The following DNAJC24 variants were observed in gnomAD, a reference collection of about 807,000 sequenced individuals.
The protein encoded by DNAJC24 is dnaJ homolog subfamily C member 24.
DNAJC24 carries 17 observed loss-of-function variants against 18.0 expected under a neutral mutation model. That is an observed-to-expected ratio of 0.94 (90% CI 0.65 to 1.42). The LOEUF (loss-of-function observed/expected upper bound fraction) is 1.42. Ranked by LOEUF, DNAJC24 falls within the 40% of genes most tolerant of loss-of-function variation. The pLI, the probability that DNAJC24 is intolerant of heterozygous loss-of-function variation, is 0.00. For synonymous variants in DNAJC24, 55 were observed against 57.7 expected, an observed-to-expected ratio of 0.95 and a Z score of 0.21; for missense variants, 158 against 175.6, an observed-to-expected ratio of 0.90 and a Z score of 0.57.
chr11:31,385,356 A>G (rs1285053516), intron 2 of DNAJC24, among the ~76,000 whole-genome samples: 3 of 152,208 alleles, frequency 2.0e-5, no homozygotes, highest in East Asian at 3.8e-4. Context: ...AACTTTGGTG[A>G]CTATCTAGAT....
In DNAJC24 at chr11:31,432,603, G is replaced by C; in HGVS notation, c.*2202G>C. On this transcript the variant is annotated 3_prime_UTR_variant, in exon 5 of 5. Transcript: ENST00000465995. Reference sequence around the variant, plus strand: ...CAAAATGAGGTTGAAGACAATTAGTGAAAGTAATGTTATAGTATCATCATA... The same window carrying C: ...CAAAATGAGGTTGAAGACAATTAGTCAAAGTAATGTTATAGTATCATCATA... The C allele has an allele frequency of 7.2e-7, 1 of 1,381,024 alleles. No homozygotes were observed. The highest frequency in any genetic ancestry group is 1.0e-6 in the Non-Finnish European group (1 of 967,522). 85.5% of individuals were successfully genotyped at this position (1,381,024 alleles called of 1,614,324 possible).
chr11:31,419,260 A>T (rs1238745329), intron 3 of DNAJC24, among the ~76,000 whole-genome samples: 2 of 152,062 alleles, frequency 1.3e-5, no homozygotes, highest in Admixed American at 6.6e-5. Flanking sequence ...GAAGATAAGC[A>T]TCGGGGGGTA....
intron 3 of DNAJC24, 109 bp downstream of exon 3, chr11:31,415,058 C>A (rs1297464700): frequency 8.5e-7 from 1 of 1,174,620 alleles, no homozygotes; most frequent in Non-Finnish European, 1.2e-6. Flanking sequence ...GTTATTGTTG[C>A]CTTTATTCCT....
At chr11:31,398,826 G>A (rs1318196347) in intron 2 of DNAJC24, among the ~76,000 whole-genome samples, 1 of 152,160 alleles carries the variant, frequency 6.6e-6, no homozygotes, top group Non-Finnish European at 1.5e-5. Context: ...CCCCTCTATA[G>A]GATCTGTATG....
chr11:31,384,543 C>T (rs985356528), intron 2 of DNAJC24: 1 of 152,234 alleles, frequency 6.6e-6, no homozygotes, highest in Non-Finnish European at 1.5e-5. Context: ...TTCATTTGGC[C>T]TCTCTATATG....
At chr11:31,385,886 T>TCCCCCATCCCC (rs1952425070) in intron 2 of DNAJC24, among the ~76,000 whole-genome samples, 1 of 151,994 alleles carries the variant, frequency 6.6e-6, no homozygotes, top group Non-Finnish European at 1.5e-5. Context: ...ACACCATCTC[T>TCCCCCATCCCC]CCCCCATCCC....
chr11:31,411,332 T>A (rs1251322123), intron 2 of DNAJC24, among the ~76,000 whole-genome samples: 1 of 152,228 alleles, frequency 6.6e-6, no homozygotes, highest in Non-Finnish European at 1.5e-5. Flanking sequence ...TTCTAGTGTC[T>A]TGCATTCCAA....
Position 31,372,233 on chromosome 11 carries a change from T to TCTCTTGCCTGCTGCCATGTA in DNAJC24, c.111+1374_111+1375insCTCTTGCCTGCTGCCATGTA, listed in dbSNP as rs1303253892. ...CTTCTTAAGCCAATGTCTGTAATTC[T>TCTCTTGCCTGCTGCCATGTA]ATACCGACGTCCGGTTAACTCAGTT... On this transcript the variant is annotated intron_variant, in intron 2 of 4. Coordinates refer to ENST00000465995, the MANE Select transcript of DNAJC24 (RefSeq NM_181706.5). Among the ~76,000 whole-genome samples, 123 of 140,072 alleles carry TCTCTTGCCTGCTGCCATGTA rather than the reference T, an allele frequency of 8.8e-4. 1 individual carries two copies. The highest frequency in any genetic ancestry group is 3.8e-3 in the Middle Eastern group (1 of 266). 91.9% of individuals were successfully genotyped at this position (140,072 alleles called of 152,430 possible).
In DNAJC24 at chr11:31,432,448, A is replaced by G. The variant is rs112425538; in HGVS notation, c.*2047A>G. 8.9e-4 allele frequency: 1,134 copies of G among 1,268,274 alleles called. 12 individuals are homozygous for G. In the African/African-American group the frequency reaches 0.014, roughly 16 times the overall value. 78.6% of individuals were successfully genotyped at this position (1,268,274 alleles called of 1,614,324 possible). On this transcript the variant is annotated 3_prime_UTR_variant, in exon 5 of 5. Coordinates refer to ENST00000465995, the MANE Select transcript of DNAJC24 (RefSeq NM_181706.5). ...TAAGTACACGGTTTCAACGGGAGTA[A>G]TAAATTCACATGAAAAGGAGACAAT...
chr11:31,417,576 A>C lies in DNAJC24; in HGVS notation c.250+2627A>C, dbSNP rs1045490672. On this transcript the variant is annotated intron_variant, in intron 3 of 4. Transcript: ENST00000465995. The stretch of plus-strand genomic sequence containing the variant: ...TGGGTCACCCCCTGGGGACATGGAA[A>C]TAGCTTTGTTATACAGAACTCTTTT... 2.0e-5 allele frequency among the ~76,000 whole-genome samples: 3 copies of C among 152,214 alleles called. No homozygotes were observed. In the South Asian group the frequency reaches 6.2e-4, roughly 32 times the overall value.
chr11:31,430,528 T>C lies in DNAJC24; in HGVS notation c.*127T>C, dbSNP rs1952911483. ...TATTTGCAAAGAAAATATACAATTA[T>C]CAAGCAGAGACCACCTCAGATTAAT... On this transcript the variant is annotated 3_prime_UTR_variant, in exon 5 of 5. Transcript: ENST00000465995. 1 of 649,538 alleles carries C rather than the reference T, an allele frequency of 1.5e-6. No homozygotes were observed. The highest frequency in any genetic ancestry group is 2.3e-6 in the Non-Finnish European group (1 of 429,518). The allele number at this position is 649,538 out of a possible 1,614,324, so 40.2% of individuals were successfully genotyped here. A position where few individuals can be genotyped will look rare whatever the true frequency, so the allele number is the denominator to read the frequency against.
chr11:31,392,912 G>T (rs570081199), intron 2 of DNAJC24, among the ~76,000 whole-genome samples: 2 of 152,196 alleles, frequency 1.3e-5, no homozygotes, highest in East Asian at 1.9e-4. Flanking sequence ...GCCTCTGAAA[G>T]TGTTGGGATT....
chr11:31,392,478 G>C (rs185298806), intron 2 of DNAJC24, among the ~76,000 whole-genome samples: 1 of 152,138 alleles, frequency 6.6e-6, no homozygotes, highest in Admixed American at 6.5e-5. Context: ...AAGTGCTTGT[G>C]TATTTAAACA....
At chr11:31,390,449 T>C (rs1470733691) in intron 2 of DNAJC24, among the ~76,000 whole-genome samples, 2 of 147,026 alleles carry the variant, frequency 1.4e-5, no homozygotes, top group African/African-American at 5.0e-5. Flanking sequence ...GGCTCATGCC[T>C]GTAATCCCAA....
intron 2 of DNAJC24, among the ~76,000 whole-genome samples, chr11:31,403,872 A>T (rs114135658): frequency 0.018 from 2,813 of 152,306 alleles, 88 homozygotes; most frequent in African/African-American, 0.064. Context: ...AAGTGAAAGG[A>T]AGTTTATTAA....
Position 31,426,360 on chromosome 11 carries a change from G to A in DNAJC24, c.319+5G>A. On this transcript the variant is annotated splice_donor_5th_base_variant and intron_variant, in intron 4 of 4. Coordinates refer to ENST00000465995, the MANE Select transcript of DNAJC24 (RefSeq NM_181706.5). ...AAGAAATGTCTTGGAATGAAGGTTG[G>A]ATTTTTTTTTTCTCTTGACAACATT... The A allele has an allele frequency of 2.0e-6, 3 of 1,497,528 alleles. No homozygotes were observed. Among genetic ancestry groups the A allele is most frequent in the Non-Finnish European group, 2.7e-6 (3 of 1,122,604 alleles). The allele number at this position is 1,497,528 out of a possible 1,614,324, so 92.8% of individuals were successfully genotyped here. A position where few individuals can be genotyped will look rare whatever the true frequency, so the allele number is the denominator to read the frequency against.
chr11:31,403,811 A>G (rs1374354333), intron 2 of DNAJC24, among the ~76,000 whole-genome samples: 2 of 152,176 alleles, frequency 1.3e-5, no homozygotes, highest in Non-Finnish European at 2.9e-5. Context: ...TCCAGACCCC[A>G]AGAGAGGGTT....
At position 31,396,235 on chromosome 11, in the gene DNAJC24, C is replaced by T. The variant is rs1180852746; in HGVS notation, c.112-18576C>T. On this transcript the variant is annotated intron_variant, in intron 2 of 4. Transcript: ENST00000465995. Reference sequence around the variant, plus strand: ...CTCTCTGGGCAGGAGCATGTCTTTCCTGATTATCTTCTTGCTTGTCTGACC... The same window carrying T: ...CTCTCTGGGCAGGAGCATGTCTTTCTTGATTATCTTCTTGCTTGTCTGACC... 2.2e-5 allele frequency: 10 copies of T among 450,636 alleles called. No homozygotes were observed. In the Admixed American group the frequency reaches 2.4e-4, roughly 11 times the overall value. The allele number at this position is 450,636 out of a possible 1,614,324, so 27.9% of individuals were successfully genotyped here. A position where few individuals can be genotyped will look rare whatever the true frequency, so the allele number is the denominator to read the frequency against.
intron 2 of DNAJC24, among the ~76,000 whole-genome samples, chr11:31,395,216 C>A (rs1952533340): frequency 6.6e-6 from 1 of 151,990 alleles, no homozygotes; most frequent in Non-Finnish European, 1.5e-5. Flanking sequence ...TGATCTCATT[C>A]TTTTTTTTAT....
Sources: gnomAD v4.1 joint callset for allele counts (sites outside exome capture counted in the v4.1 genomes callset) on GRCh38, gnomAD v4.1.1 for gene constraint, MANE v1.5 for transcripts, NCBI Gene and HGNC (gene_info 2026-07-23, HGNC 2026-07-21) for gene names.